Variants in UBE2E2 observed in about 807,000 individuals in gnomAD.
UBE2E2 encodes ubiquitin conjugating enzyme E2 E2.
In UBE2E2, 6 loss-of-function variants were observed where a neutral mutation model predicts 24.7. That is an observed-to-expected ratio of 0.24 (90% confidence interval 0.13 to 0.48). UBE2E2 has a LOEUF of 0.48. UBE2E2 is among the 20% of genes least tolerant of loss of function. UBE2E2 has a pLI of 0.99. For missense variants in UBE2E2, 169 were observed against 245.0 expected, an observed-to-expected ratio of 0.69 and a Z score of 2.07; for synonymous variants, 104 against 83.6, an observed-to-expected ratio of 1.24 and a Z score of -1.33.
intron 3 of UBE2E2, among the ~76,000 whole-genome samples, chr3:23,268,990 G>A (rs112049732): frequency 6.6e-6 from 1 of 151,854 alleles, no homozygotes; most frequent in Admixed American, 6.6e-5. Flanking sequence ...TGGGAAAACT[G>A]GCTAGCCATA....
intron 3 of UBE2E2, among the ~76,000 whole-genome samples, chr3:23,402,143 C>T (rs907071620): frequency 6.6e-5 from 10 of 152,058 alleles, no homozygotes; most frequent in African/African-American, 1.2e-4. Context: ...CGTGAGCCAC[C>T]GCGCCCGACC....
chr3:23,481,943 G>T (rs1043467003), intron 3 of UBE2E2, among the ~76,000 whole-genome samples: 2 of 152,230 alleles, frequency 1.3e-5, no homozygotes, highest in Non-Finnish European at 1.5e-5. Context: ...AATAGCTACT[G>T]TAGAAAATTG....
At chr3:23,502,871 A>G (rs780015885) in intron 4 of UBE2E2, among the ~76,000 whole-genome samples, 4 of 152,160 alleles carry the variant, frequency 2.6e-5, no homozygotes, top group Admixed American at 2.6e-4. Context: ...TAGGTAAGGC[A>G]TTTTACATAG....
At chr3:23,488,396 G>A (rs1575662543) in intron 3 of UBE2E2, among the ~76,000 whole-genome samples, 1 of 152,144 alleles carries the variant, frequency 6.6e-6, no homozygotes. Context: ...GATGTGTGAT[G>A]TTCCCCTCCC....
intron 3 of UBE2E2, among the ~76,000 whole-genome samples, chr3:23,379,551 A>G (rs905108356): frequency 6.6e-6 from 1 of 150,974 alleles, no homozygotes; most frequent in South Asian, 2.1e-4. Context: ...AGTTTCATCC[A>G]TGTCCCTACA....
chr3:23,297,029 T>A (rs1459162848), intron 3 of UBE2E2, among the ~76,000 whole-genome samples: 1 of 152,238 alleles, frequency 6.6e-6, no homozygotes, highest in South Asian at 2.1e-4. Flanking sequence ...TATCTCATTG[T>A]GGTTTTGATT....
intron 3 of UBE2E2, among the ~76,000 whole-genome samples, chr3:23,379,401 G>A (rs1170315790): frequency 8.3e-5 from 6 of 72,700 alleles, no homozygotes; most frequent in Admixed American, 7.4e-4. Flanking sequence ...CCCCTCCCCC[G>A]ACCCCACAAC....
intron 3 of UBE2E2, among the ~76,000 whole-genome samples, chr3:23,438,042 G>A (rs1485418027): frequency 6.6e-6 from 1 of 152,182 alleles, no homozygotes; most frequent in Non-Finnish European, 1.5e-5. Context: ...TTTAGAGTCA[G>A]ATTAATTCAG....
At chr3:23,366,354 T>C (rs1452145307) in intron 3 of UBE2E2, among the ~76,000 whole-genome samples, 1 of 152,198 alleles carries the variant, frequency 6.6e-6, no homozygotes, top group Non-Finnish European at 1.5e-5. Flanking sequence ...CAAAGACGCA[T>C]GTGTGTGCTC....
chr3:23,558,096 C>T (rs567451169), intron 5 of UBE2E2, among the ~76,000 whole-genome samples: 1 of 152,318 alleles, frequency 6.6e-6, no homozygotes, highest in African/African-American at 2.4e-5. Context: ...ACAATAGTAA[C>T]TGGGCAATGG....
chr3:23,235,637 G>A (rs959145587), intron 3 of UBE2E2, among the ~76,000 whole-genome samples: 8 of 152,254 alleles, frequency 5.3e-5, no homozygotes, highest in Middle Eastern at 3.4e-3. Context: ...AGTAGCAGTG[G>A]AGATAGAAAG....
intron 3 of UBE2E2, among the ~76,000 whole-genome samples, chr3:23,264,069 T>C (rs1188861918): frequency 1.3e-5 from 2 of 152,144 alleles, no homozygotes; most frequent in Non-Finnish European, 2.9e-5. Flanking sequence ...ATTAATCGTA[T>C]GATGTAGGTA....
intron 3 of UBE2E2, among the ~76,000 whole-genome samples, chr3:23,298,227 C>T (rs932848259): frequency 6.6e-6 from 1 of 152,184 alleles, no homozygotes; most frequent in African/African-American, 2.4e-5. Flanking sequence ...ATCATGTCGT[C>T]TGCAAACAGG....
intron 3 of UBE2E2, among the ~76,000 whole-genome samples, chr3:23,470,246 C>G (rs574753022): frequency 1.4e-4 from 22 of 152,172 alleles, no homozygotes; most frequent in Non-Finnish European, 3.2e-4. Flanking sequence ...CTGAGTATGG[C>G]ACTTCCCTCC....
At chr3:23,518,637 G>C (rs1289270832) in intron 4 of UBE2E2, among the ~76,000 whole-genome samples, 1 of 152,096 alleles carries the variant, frequency 6.6e-6, no homozygotes, top group Non-Finnish European at 1.5e-5. Context: ...TCCCCTCTCC[G>C]ATATTCTCCA....
chr3:23,400,572 A>G (rs1238620921), intron 3 of UBE2E2, among the ~76,000 whole-genome samples: 1 of 150,644 alleles, frequency 6.6e-6, no homozygotes, highest in African/African-American at 2.5e-5. Context: ...AGTTCATCCT[A>G]AGATCTACAG....
At position 23,428,907 on chromosome 3, in the gene UBE2E2, A is replaced by G. The variant is rs116825046; in HGVS notation, c.228-70701A>G. ...ATACCATTGCAGTCCAGCCTTGGCA[A>G]CAAAGTGAGACTCTGTCTCTTAAAA... On this transcript the variant is annotated intron_variant, in intron 3 of 5. Transcript: ENST00000396703. Among the ~76,000 whole-genome samples, 1,070 of 149,460 alleles carry G rather than the reference A, an allele frequency of 7.2e-3. 11 individuals are homozygous for G. Among genetic ancestry groups the G allele is most frequent in the African/African-American group, 0.019 (754 of 40,088 alleles).
chr3:23,305,792 TA>T, intron 3 of UBE2E2, among the ~76,000 whole-genome samples: 1 of 152,148 alleles, frequency 6.6e-6, no homozygotes, highest in Non-Finnish European at 1.5e-5. Flanking sequence ...TATAGTGGTA[TA>T]ATCACAGCTT....
chr3:23,262,359 C>T (rs1322736967), intron 3 of UBE2E2, among the ~76,000 whole-genome samples: 1 of 152,166 alleles, frequency 6.6e-6, no homozygotes, highest in Non-Finnish European at 1.5e-5. Flanking sequence ...TAGCCCATTG[C>T]AGCCAACTCC....
Sources: gnomAD v4.1 joint callset for allele counts (sites outside exome capture counted in the v4.1 genomes callset) on GRCh38, gnomAD v4.1.1 for gene constraint, MANE v1.5 for transcripts, NCBI Gene and HGNC (gene_info 2026-07-23, HGNC 2026-07-21) for gene names.